Variants in KCTD20 observed in about 807,000 individuals in gnomAD.
KCTD20 encodes potassium channel tetramerization domain containing 20.
In KCTD20, 30 loss-of-function variants were observed where a neutral mutation model predicts 39.6. The observed-to-expected ratio is 0.76, with a 90% confidence interval of 0.57 to 1.03. The LOEUF (loss-of-function observed/expected upper bound fraction) is 1.03, where lower values mean the gene tolerates loss of function less well. Among genes scored for constraint, KCTD20 ranks in the 50% least tolerant of loss-of-function variants. The pLI is 0.00. For missense variants in KCTD20, 422 were observed against 522.0 expected (o/e 0.81, Z 1.87); for synonymous variants, 162 against 180.6 (o/e 0.90, Z 0.83).
At chr6:36,475,118 C>A in intron 3 of KCTD20, 56 bp downstream of exon 3, 1 of 1,534,546 alleles carries the variant, frequency 6.5e-7, no homozygotes, top group Non-Finnish European at 8.9e-7. Flanking sequence ...ATAAAAATAC[C>A]TGCTGTTTAT....
intron 3 of KCTD20, 98 bp from the exon 4 acceptor site, chr6:36,479,023 T>A: frequency 1.3e-6 from 1 of 767,792 alleles, no homozygotes; most frequent in East Asian, 2.5e-5. Context: ...TATGAGAGAG[T>A]GGGATGGAGT....
intron 1 of KCTD20, among the ~76,000 whole-genome samples, chr6:36,450,735 A>G (rs1460401054): frequency 1.3e-5 from 2 of 152,144 alleles, no homozygotes; most frequent in East Asian, 1.9e-4. Context: ...AAACTATTCC[A>G]TACATTAACT....
At chr6:36,480,303 TG>T (rs1199657596) in intron 5 of KCTD20, among the ~76,000 whole-genome samples, 3 of 152,062 alleles carry the variant, frequency 2.0e-5, no homozygotes, top group Non-Finnish European at 4.4e-5. Context: ...GGGACTTTGG[TG>T]TCTCGACTCT....
At chr6:36,476,670 C>T (rs1776074601) in intron 3 of KCTD20, among the ~76,000 whole-genome samples, 2 of 151,986 alleles carry the variant, frequency 1.3e-5, no homozygotes, top group Non-Finnish European at 2.9e-5. Flanking sequence ...CCTCGTGATC[C>T]GCCCACCTTA....
chr6:36,445,622 G>A (rs1255050428), intron 1 of KCTD20, among the ~76,000 whole-genome samples: 1 of 152,146 alleles, frequency 6.6e-6, no homozygotes, highest in Admixed American at 6.5e-5. Context: ...AAGATCCAGA[G>A]TCTTAGATAT....
chr6:36,451,037 C>T (rs551144040), intron 1 of KCTD20: 1 of 152,370 alleles, frequency 6.6e-6, no homozygotes, highest in South Asian at 2.1e-4. Context: ...TTCTCCCCTC[C>T]TTAGGCATCC....
chr6:36,479,260 A>G (rs1429393719), intron 4 of KCTD20, 37 bp downstream of exon 4: 2 of 1,435,320 alleles, frequency 1.4e-6, no homozygotes, highest in Non-Finnish European at 2.0e-6. Flanking sequence ...TCTCTTCCTC[A>G]GGGGCATGTG....
intron 1 of KCTD20, among the ~76,000 whole-genome samples, chr6:36,467,105 T>G (rs527971593): frequency 1.7e-4 from 26 of 151,610 alleles, no homozygotes; most frequent in African/African-American, 6.0e-4. Context: ...GTCAGGAGTT[T>G]GAGACCAGCC....
rs545397396 is a variant in KCTD20 at position 36,469,760 on chromosome 6, C to T, written c.-46-292C>T. On this transcript the variant is annotated intron_variant, in intron 1 of 7. Transcript: ENST00000373731. This position sits in a 1 kb window ranked among gnomAD's most constrained non-coding sequence, Gnocchi z 4.6. The stretch of plus-strand genomic sequence containing the variant: ...GAATACCACAAAATTATTGTACCAC[C>T]ATTTAATGTAGAATTGATCAAGAAT... Among the ~76,000 whole-genome samples the T allele has an allele frequency of 6.6e-6, 1 of 152,296 alleles. No individual in the cohort carries two copies. Among genetic ancestry groups the T allele is most frequent in the Admixed American group, 6.5e-5 (1 of 15,298 alleles).
chr6:36,485,892 G>A (rs368118866), intron 7 of KCTD20, among the ~76,000 whole-genome samples: 1 of 151,882 alleles, frequency 6.6e-6, no homozygotes, highest in Non-Finnish European at 1.5e-5. Context: ...GACTTAAGTT[G>A]AATTTAAAGT....
rs1490555273 is a variant in KCTD20, at chr6:36,489,809, CTGAAGTTTAGAATCT to C, written c.*2638_*2652del. 1 of 152,168 alleles carries C rather than the reference CTGAAGTTTAGAATCT, an allele frequency of 6.6e-6. No homozygotes were observed. Among genetic ancestry groups the C allele is most frequent in the Non-Finnish European group, 1.5e-5 (1 of 68,030 alleles). 9.4% of individuals were successfully genotyped at this position (152,168 alleles called of 1,614,324 possible). A position where few individuals can be genotyped will look rare whatever the true frequency, so the allele number is the denominator to read the frequency against. ...TCGGCAAGCCAAGATTAACCCGAAT[CTGAAGTTTAGAATCT>C]TGAGTTTGCATCTGCATCATATCAT... On this transcript the variant is annotated 3_prime_UTR_variant, in exon 8 of 8. Transcript: ENST00000373731.
At chr6:36,451,723 C>T (rs184019703) in intron 1 of KCTD20, 1 of 152,458 alleles carries the variant, frequency 6.6e-6, no homozygotes, top group African/African-American at 2.4e-5. Context: ...CTCCTGGGCT[C>T]AAGCGATCCT....
chr6:36,457,702 A>T (rs748114644), intron 1 of KCTD20, among the ~76,000 whole-genome samples: 23 of 152,228 alleles, frequency 1.5e-4, no homozygotes, highest in Admixed American at 2.0e-4. Context: ...GTCTGGAAAC[A>T]GTGTTAAATG....
At chr6:36,453,267 C>T (rs890525908) in intron 1 of KCTD20, among the ~76,000 whole-genome samples, 4 of 151,854 alleles carry the variant, frequency 2.6e-5, no homozygotes, top group African/African-American at 9.7e-5. Context: ...CCGCCTTGGC[C>T]TCCCAAACTG....
chr6:36,460,520 G>A (rs1775571478), intron 1 of KCTD20, among the ~76,000 whole-genome samples: 1 of 152,190 alleles, frequency 6.6e-6, no homozygotes, highest in Non-Finnish European at 1.5e-5. Flanking sequence ...GGCCAGGCTG[G>A]TTTCGAACTG....
intron 1 of KCTD20, among the ~76,000 whole-genome samples, chr6:36,466,500 G>A (rs1775759113): frequency 6.6e-6 from 1 of 151,034 alleles, no homozygotes; most frequent in Admixed American, 6.6e-5. Flanking sequence ...TCCCGCCTCA[G>A]CTTCCCAAGT....
Position 36,491,084 on chromosome 6 carries a change from AGT to A in KCTD20, c.*3912_*3913del, listed in dbSNP as rs1208170637. The A allele has an allele frequency of 6.6e-6, 1 of 152,042 alleles. No individual in the cohort carries two copies. The highest frequency in any genetic ancestry group is 1.5e-5 in the Non-Finnish European group (1 of 68,018). The allele number at this position is 152,042 out of a possible 1,614,324, so 9.4% of individuals were successfully genotyped here. A position where few individuals can be genotyped will look rare whatever the true frequency, so the allele number is the denominator to read the frequency against. ...TTAAAATTGCACTTGTTCACCTACCAGTGTTTACGAAATCCTGTATTTGGGAT... is the reference window on the plus strand; with the variant it reads ...TTAAAATTGCACTTGTTCACCTACCAGTTTACGAAATCCTGTATTTGGGAT... On this transcript the variant is annotated 3_prime_UTR_variant, in exon 8 of 8. Transcript: ENST00000373731.
chr6:36,452,320 G>A (rs1043168418), intron 1 of KCTD20, among the ~76,000 whole-genome samples: 4 of 152,068 alleles, frequency 2.6e-5, no homozygotes, highest in African/African-American at 9.7e-5. Context: ...TTCTGGAAAA[G>A]TTTTAATTAT....
At chr6:36,465,999 T>G (rs1775741423) in intron 1 of KCTD20, among the ~76,000 whole-genome samples, 2 of 152,210 alleles carry the variant, frequency 1.3e-5, no homozygotes, top group Admixed American at 6.5e-5. Flanking sequence ...TGCTGTGACC[T>G]TCAGAGTTGT....
Sources: gnomAD v4.1 joint callset for allele counts (sites outside exome capture counted in the v4.1 genomes callset) on GRCh38, gnomAD v4.1.1 for gene constraint, Gnocchi (gnomAD v3.1) non-coding constraint, MANE v1.5 for transcripts, NCBI Gene and HGNC (gene_info 2026-07-23, HGNC 2026-07-21) for gene names.